The following CD33 variants were observed in gnomAD, a reference collection of about 807,000 sequenced individuals.
CD33 encodes myeloid cell surface antigen CD33.
A neutral mutation model predicts 31.4 loss-of-function variants in CD33; 25 were observed. That is an observed-to-expected ratio of 0.80 (90% CI 0.58 to 1.11). CD33 has a LOEUF of 1.11. Ranked by LOEUF, CD33 falls within the 50% of genes most tolerant of loss-of-function variation. The pLI is 0.00. For synonymous variants in CD33, 176 were observed against 180.6 expected, an observed-to-expected ratio of 0.97 and a Z score of 0.20; for missense variants, 407 against 448.1, an observed-to-expected ratio of 0.91 and a Z score of 0.83.
At chr19:51,221,035 A>G (rs1163235094), upstream of CD33, among the ~76,000 whole-genome samples, 1 of 152,224 alleles carries the variant, frequency 6.6e-6, no homozygotes, top group African/African-American at 2.4e-5. Context: ...CAAAAGGCCC[A>G]ATTTTGTGTA....
chr19:51,229,321 T>A (rs1425486484), intron 4 of CD33, among the ~76,000 whole-genome samples: 1 of 152,204 alleles, frequency 6.6e-6, no homozygotes, highest in Non-Finnish European at 1.5e-5. Context: ...TTTTTGCATC[T>A]ATGTTCATCA....
upstream of CD33, among the ~76,000 whole-genome samples, chr19:51,221,015 A>G (rs1568429488): frequency 6.6e-6 from 1 of 152,218 alleles, no homozygotes; most frequent in African/African-American, 2.4e-5. Flanking sequence ...CACAACAGCA[A>G]CAACAACAAC....
the CD33 span, among the ~76,000 whole-genome samples, chr19:51,215,555 C>T: frequency 6.6e-6 from 1 of 152,210 alleles, no homozygotes; most frequent in African/African-American, 2.4e-5. Flanking sequence ...GCTAATCTCT[C>T]AGGTGAGTGT....
At position 51,225,500 on chromosome 19, in the gene CD33, A is replaced by T. The variant is rs1180592466; in HGVS notation, c.320A>T (p.Asp107Val). ...AACAACTGCTCCCTGAGCATCGTAG[A>T]CGCCAGGAGGAGGGATAATGGTTCA... is the stretch of plus-strand genomic sequence containing the variant. Reference protein sequence around the residue: ...SRNNCSLSIVDARRRDNGSYF... With the variant: ...SRNNCSLSIVVARRRDNGSYF... The change falls in exon 2 of 7, where the codon GAC becomes GTC. Residue 107 changes from aspartate (D) to valine (V), a missense_variant. By Grantham distance (152) the Asp-to-Val change is radical. Transcript: ENST00000262262. The T allele has an allele frequency of 6.2e-7, 1 of 1,613,120 alleles. No individual in the cohort carries two copies. The highest frequency in any genetic ancestry group is 8.5e-7 in the Non-Finnish European group (1 of 1,179,508).
chr19:51,235,973 A>G (rs972898032), intron 6 of CD33: 10 of 662,508 alleles, frequency 1.5e-5, no homozygotes, highest in African/African-American at 7.2e-5. Flanking sequence ...CCTGGCTAAC[A>G]TGGTGAAACC....
the CD33 span, among the ~76,000 whole-genome samples, chr19:51,215,461 C>T: frequency 1.9e-4 from 29 of 152,264 alleles, no homozygotes; most frequent in Middle Eastern, 3.4e-3. Flanking sequence ...TTATATGCCC[C>T]GATCTCTTCA....
intron 4 of CD33, among the ~76,000 whole-genome samples, chr19:51,229,489 G>T (rs896945538): frequency 3.0e-4 from 45 of 151,946 alleles, no homozygotes; most frequent in Non-Finnish European, 5.4e-4. Flanking sequence ...TTCTTTAAAG[G>T]TTCAGTAAAG....
the CD33 span, chr19:51,211,330 T>C: frequency 1.3e-6 from 2 of 1,563,474 alleles, no homozygotes; most frequent in South Asian, 2.3e-5. Context: ...CAACAGGAAT[T>C]TCTCAGTTCA....
At chr19:51,232,356 C>A (rs1053029814) in intron 4 of CD33, among the ~76,000 whole-genome samples, 1 of 152,170 alleles carries the variant, frequency 6.6e-6, no homozygotes, top group African/African-American at 2.4e-5. Flanking sequence ...TGACTTTTGA[C>A]AATTTGGCAT....
the CD33 span, chr19:51,211,095 C>A: frequency 1.3e-6 from 2 of 1,536,782 alleles, no homozygotes; most frequent in Non-Finnish European, 9.0e-7. Flanking sequence ...GCCCGGGAAG[C>A]CTCTGCCTCA....
At chr19:51,219,509 T>C in the CD33 span, among the ~76,000 whole-genome samples, 1 of 152,178 alleles carries the variant, frequency 6.6e-6, no homozygotes, top group African/African-American at 2.4e-5. Flanking sequence ...GGGCGCCTTT[T>C]GTTTCTTTCT....
the CD33 span, among the ~76,000 whole-genome samples, chr19:51,217,617 C>G: frequency 6.6e-6 from 1 of 152,074 alleles, no homozygotes; most frequent in Non-Finnish European, 1.5e-5. Context: ...CAGGGTTTCA[C>G]CATGTTGGTC....
the CD33 span, among the ~76,000 whole-genome samples, chr19:51,218,542 TTATC>T: frequency 1.3e-5 from 2 of 152,228 alleles, no homozygotes; most frequent in Non-Finnish European, 2.9e-5. Flanking sequence ...TACATCCTGT[TTATC>T]TATTTTTTGT....
chr19:51,216,758 A>G, the CD33 span, among the ~76,000 whole-genome samples: 14 of 152,156 alleles, frequency 9.2e-5, no homozygotes, highest in African/African-American at 3.4e-4. Flanking sequence ...ATGGCAATAT[A>G]TGTTTAGAGA....
the CD33 span, among the ~76,000 whole-genome samples, chr19:51,217,534 C>T: frequency 3.3e-5 from 5 of 151,940 alleles, no homozygotes; most frequent in African/African-American, 9.7e-5. Flanking sequence ...CTCAGCCTCC[C>T]GAGCAGCTAG....
intron 6 of CD33, chr19:51,238,445 C>G (rs1981945147): frequency 6.6e-6 from 1 of 152,136 alleles, no homozygotes; most frequent in African/African-American, 2.4e-5. Context: ...GCCCTGGAAC[C>G]CTCCAGCATT....
chr19:51,227,220 T>C, intron 4 of CD33, among the ~76,000 whole-genome samples: 1 of 138,074 alleles, frequency 7.2e-6, no homozygotes, highest in Non-Finnish European at 1.7e-5. Flanking sequence ...TTTCCTTTCC[T>C]TTCTATAAAT....
intron 4 of CD33, among the ~76,000 whole-genome samples, chr19:51,231,079 T>C (rs1216514093): frequency 6.6e-6 from 1 of 152,214 alleles, no homozygotes; most frequent in East Asian, 1.9e-4. Context: ...AAATTGATTG[T>C]ATCTTGAGTG....
At chr19:51,239,374 CTTAA>C (rs1844308973) in intron 6 of CD33, 140 bp from the exon 7 acceptor site, 1 of 579,686 alleles carries the variant, frequency 1.7e-6, no homozygotes, top group Admixed American at 3.7e-5. Flanking sequence ...TAAGTAGAGC[CTTAA>C]TTAATTAACA....
Sources: allele counts gnomAD v4.1 joint callset (sites outside exome capture counted in the v4.1 genomes callset), GRCh38; gene constraint gnomAD v4.1.1; transcripts MANE v1.5; gene names NCBI Gene and HGNC (gene_info 2026-07-23, HGNC 2026-07-21).